Variants in STK24 observed in about 807,000 individuals in gnomAD.
STK24 encodes the protein serine/threonine-protein kinase 24.
STK24 carries 21 observed loss-of-function variants against 55.6 expected under a neutral mutation model. That is an observed-to-expected ratio of 0.38 (90% CI 0.27 to 0.54). The LOEUF (loss-of-function observed/expected upper bound fraction) is 0.54. Among genes scored for constraint, STK24 ranks in the 20% least tolerant of loss-of-function variants. The pLI, the probability that STK24 is intolerant of heterozygous loss-of-function variation, is 0.79. For missense variants in STK24, 383 were observed against 538.4 expected, an observed-to-expected ratio of 0.71 and a Z score of 2.86; for synonymous variants, 200 against 215.2, an observed-to-expected ratio of 0.93 and a Z score of 0.62.
chr13:98,488,377 A>C (rs1304401233), intron 2 of STK24, among the ~76,000 whole-genome samples: 1 of 152,200 alleles, frequency 6.6e-6, no homozygotes, highest in East Asian at 1.9e-4. Flanking sequence ...AAATTAAGCC[A>C]GTTATTCATT....
rs1417073274 is a variant in STK24 at position 98,477,498 on chromosome 13, C to A, written c.331-2140G>T. On this transcript the variant is annotated intron_variant, in intron 3 of 10. Coordinates refer to ENST00000539966, the MANE Select transcript of STK24 (RefSeq NM_001032296.4). ...GACCAGCCTGGCCAACATGGTGAAA[C>A]CCCATCTCTACTAAAAACACAGAAA... Among the ~76,000 whole-genome samples, 79 of 152,020 alleles carry A rather than the reference C, an allele frequency of 5.2e-4. 1 individual carries two copies. Among genetic ancestry groups the A allele is most frequent in the Non-Finnish European group, 1.5e-4 (10 of 68,016 alleles).
intron 1 of STK24, chr13:98,576,113 C>T (rs1433447652): frequency 1.0e-6 from 1 of 985,016 alleles, no homozygotes; most frequent in East Asian, 1.1e-4. Flanking sequence ...AGGGATTCCT[C>T]CTTCCAGAAG....
At chr13:98,469,609 C>A (rs1336492586) in intron 5 of STK24, among the ~76,000 whole-genome samples, 3 of 151,930 alleles carry the variant, frequency 2.0e-5, no homozygotes, top group African/African-American at 7.2e-5. Context: ...ACGAGGGTCA[C>A]CCAGCTCCTT....
At chr13:98,551,269 G>A (rs867893304) in intron 1 of STK24, among the ~76,000 whole-genome samples, 1 of 149,390 alleles carries the variant, frequency 6.7e-6, no homozygotes, top group Non-Finnish European at 1.5e-5. Flanking sequence ...CTGGGCGACA[G>A]AGTGAGACTC....
chr13:98,478,437 CCCCTGCTTGGTCTTGG>C (rs1894465454), intron 3 of STK24, among the ~76,000 whole-genome samples: 1 of 152,228 alleles, frequency 6.6e-6, no homozygotes. Context: ...GTGCCCCATG[CCCCTGCTTGGTCTTGG>C]CCCTGAAGCA....
At chr13:98,495,842 T>A (rs1268863415) in intron 2 of STK24, among the ~76,000 whole-genome samples, 1 of 152,230 alleles carries the variant, frequency 6.6e-6, no homozygotes, top group Non-Finnish European at 1.5e-5. Context: ...GTTGCTGATG[T>A]GTTTAGTCCA....
intron 5 of STK24, among the ~76,000 whole-genome samples, chr13:98,474,244 G>T (rs1366510104): frequency 2.6e-5 from 4 of 152,162 alleles, no homozygotes; most frequent in Non-Finnish European, 5.9e-5. Context: ...GGGAAGAAAG[G>T]GTTAGGGTTT....
In STK24 at chr13:98,447,759, G is replaced by T. The variant is rs982905182; in HGVS notation, c.*5414C>A. ...ATCTCCTGGGAGGCCAAGGCTGGAG[G>T]ATCGATTGAGCCCAGGAGGTAGCTA... On this transcript the variant is annotated 3_prime_UTR_variant, in exon 11 of 11. Transcript: ENST00000539966. The T allele has an allele frequency of 2.5e-5, 4 of 159,236 alleles. No homozygotes were observed. Among genetic ancestry groups the T allele is most frequent in the Admixed American group, 2.5e-4 (4 of 16,178 alleles). The allele number at this position is 159,236 out of a possible 1,614,324, so 9.9% of individuals were successfully genotyped here.
chr13:98,522,227 A>G, intron 1 of STK24: 3 of 407,674 alleles, frequency 7.4e-6, no homozygotes, highest in Non-Finnish European at 9.9e-6. Flanking sequence ...CTCTAGTTCC[A>G]GAAGGATCTT....
chr13:98,507,121 G>A (rs868866310), intron 2 of STK24, among the ~76,000 whole-genome samples: 2 of 152,216 alleles, frequency 1.3e-5, no homozygotes, highest in African/African-American at 4.8e-5. Context: ...TGCTCCACCC[G>A]ATTCTCCCTC....
At chr13:98,457,424 C>T (rs1415943284) in intron 9 of STK24, 120 bp from the exon 10 acceptor site, 35 of 1,422,858 alleles carry the variant, frequency 2.5e-5, no homozygotes, top group Non-Finnish European at 3.0e-5. Context: ...CCAGGGTGTC[C>T]GGGAAAAGCT....
intron 7 of STK24, among the ~76,000 whole-genome samples, chr13:98,462,505 G>A (rs370421427): frequency 6.6e-6 from 1 of 152,186 alleles, no homozygotes; most frequent in South Asian, 2.1e-4. Context: ...CCTGATGCCT[G>A]TGGCCCCATT....
chr13:98,493,828 G>GC (rs936109976), intron 2 of STK24, among the ~76,000 whole-genome samples: 6 of 149,364 alleles, frequency 4.0e-5, no homozygotes, highest in African/African-American at 1.5e-4. Context: ...ACGGTATTCT[G>GC]CAAAAAAAAA....
At chr13:98,497,497 C>G (rs1161949875) in intron 2 of STK24, among the ~76,000 whole-genome samples, 1 of 152,204 alleles carries the variant, frequency 6.6e-6, no homozygotes, top group Non-Finnish European at 1.5e-5. Flanking sequence ...TAGTGAAAAC[C>G]AGGACGCCAT....
At chr13:98,555,452 G>A (rs1302094135) in intron 1 of STK24, among the ~76,000 whole-genome samples, 7 of 151,646 alleles carry the variant, frequency 4.6e-5, no homozygotes, top group African/African-American at 1.2e-4. Context: ...GGTGGCGGGC[G>A]CCTGTAGTCC....
chr13:98,509,518 G>A (rs949339645), intron 2 of STK24, among the ~76,000 whole-genome samples: 2 of 151,856 alleles, frequency 1.3e-5, no homozygotes, highest in African/African-American at 4.8e-5. Context: ...TCCTCAAAAG[G>A]TTAAACATAA....
At chr13:98,466,011 CAT>C (rs2139266410) in intron 6 of STK24, among the ~76,000 whole-genome samples, 1 of 152,286 alleles carries the variant, frequency 6.6e-6, no homozygotes, top group East Asian at 1.9e-4. Flanking sequence ...ACTTTAAAGA[CAT>C]ATTTAGCCAT....
At chr13:98,563,376 C>A (rs1897480813) in intron 1 of STK24, among the ~76,000 whole-genome samples, 1 of 152,152 alleles carries the variant, frequency 6.6e-6, no homozygotes, top group Admixed American at 6.6e-5. Flanking sequence ...AGAAGCTCGT[C>A]TTTTCTTGCA....
chr13:98,468,759 A>C (rs769709542), intron 5 of STK24, among the ~76,000 whole-genome samples: 5 of 152,230 alleles, frequency 3.3e-5, no homozygotes, highest in Non-Finnish European at 7.3e-5. Context: ...TTTCTGGTAC[A>C]AGTATACAGT....
Sources: gnomAD v4.1 joint callset for allele counts (sites outside exome capture counted in the v4.1 genomes callset) on GRCh38, gnomAD v4.1.1 for gene constraint, MANE v1.5 for transcripts, NCBI Gene and HGNC (gene_info 2026-07-23, HGNC 2026-07-21) for gene names.